The following L3MBTL3 variants were observed in gnomAD, a reference collection of about 807,000 sequenced individuals.
L3MBTL3 encodes the protein L3MBTL histone methyl-lysine binding protein 3.
In L3MBTL3, 27 loss-of-function variants were observed where a neutral mutation model predicts 102.3. The observed-to-expected ratio is 0.26, with a 90% CI of 0.19 to 0.36. L3MBTL3 has a LOEUF of 0.36. L3MBTL3 is among the 10% of genes least tolerant of loss of function. The pLI is 1.00. For synonymous variants in L3MBTL3, 340 were observed against 320.9 expected (o/e 1.06, Z -0.64); for missense variants, 798 against 955.3 (o/e 0.84, Z 2.17).
chr6:130,064,107 C>T (rs1782090403), intron 10 of L3MBTL3, among the ~76,000 whole-genome samples: 1 of 152,156 alleles, frequency 6.6e-6, no homozygotes, highest in Non-Finnish European at 1.5e-5. Flanking sequence ...TCACCATTTA[C>T]TAGACTTGGT....
intron 19 of L3MBTL3, among the ~76,000 whole-genome samples, chr6:130,112,025 A>G (rs528488842): frequency 2.6e-5 from 4 of 152,204 alleles, no homozygotes; most frequent in African/African-American, 9.6e-5. Flanking sequence ...CCCTCTGTCT[A>G]GATCCTCTCT....
At chr6:130,030,116 C>T (rs1488071503) in intron 2 of L3MBTL3, among the ~76,000 whole-genome samples, 1 of 152,124 alleles carries the variant, frequency 6.6e-6, no homozygotes, top group African/African-American at 2.4e-5. Context: ...GCCTCGGTCT[C>T]CCAAAGTGCT....
At chr6:130,092,909 A>G in intron 17 of L3MBTL3, 50 bp downstream of exon 17, 1 of 1,129,758 alleles carries the variant, frequency 8.9e-7, no homozygotes, top group East Asian at 2.4e-5. Flanking sequence ...CATATGTAGC[A>G]TTCTTAAGAT....
chr6:130,132,899 T>C (rs1787216375), intron 20 of L3MBTL3, among the ~76,000 whole-genome samples: 1 of 152,216 alleles, frequency 6.6e-6, no homozygotes, highest in African/African-American at 2.4e-5. Context: ...CTGTTTTATT[T>C]TTATTGCAAT....
intron 3 of L3MBTL3, among the ~76,000 whole-genome samples, chr6:130,046,369 A>G (rs1157418954): frequency 3.9e-5 from 6 of 152,336 alleles, no homozygotes; most frequent in African/African-American, 1.4e-4. Flanking sequence ...CTTAAAACAC[A>G]CTGGTAAGTC....
intron 2 of L3MBTL3, among the ~76,000 whole-genome samples, chr6:130,034,012 G>A (rs577784338): frequency 1.6e-4 from 24 of 152,118 alleles, no homozygotes; most frequent in South Asian, 6.2e-4. Flanking sequence ...TGTGCTGTGC[G>A]CCTCCTAGGT....
chr6:130,020,706 C>G (rs1052069099), intron 1 of L3MBTL3: 1 of 151,788 alleles, frequency 6.6e-6, no homozygotes, highest in African/African-American at 2.4e-5. Context: ...AGTCCCCCTG[C>G]TGCCACCACC....
chr6:130,118,331 A>T (rs956830253), intron 19 of L3MBTL3, among the ~76,000 whole-genome samples: 2 of 152,178 alleles, frequency 1.3e-5, no homozygotes, highest in African/African-American at 4.8e-5. Context: ...TGGGGCATGT[A>T]AAAAGCTCAG....
At chr6:130,063,562 T>G (rs1488971571) in intron 10 of L3MBTL3, among the ~76,000 whole-genome samples, 2 of 152,204 alleles carry the variant, frequency 1.3e-5, no homozygotes, top group African/African-American at 4.8e-5. Flanking sequence ...GGTCACATTT[T>G]TGTCTACTGA....
At chr6:130,106,292 C>T (rs557566279) in intron 19 of L3MBTL3, among the ~76,000 whole-genome samples, 4 of 152,142 alleles carry the variant, frequency 2.6e-5, no homozygotes, top group Non-Finnish European at 5.9e-5. Flanking sequence ...CCTGCCATTA[C>T]TTTTCCTTGT....
rs924147216 is a variant in L3MBTL3, at chr6:130,110,181, A to G, written c.1886+5606A>G. Among the ~76,000 whole-genome samples the G allele has an allele frequency of 1.3e-5, 2 of 151,712 alleles. 1 individual carries two copies. The highest frequency in any genetic ancestry group is 2.9e-5 in the Non-Finnish European group (2 of 67,910). On this transcript the variant is annotated intron_variant, in intron 19 of 22. Transcript: ENST00000361794. The stretch of plus-strand genomic sequence containing the variant: ...GCTTAGGATTGTCTTGGCTATATGG[A>G]CTCTTCTTTGGTTCCATATGAAGTT...
At chr6:130,136,091 GCCA>G (rs113993432) in intron 22 of L3MBTL3, among the ~76,000 whole-genome samples, 12,626 of 152,078 alleles carry the variant, frequency 0.083, 826 homozygotes, top group African/African-American at 0.17. Context: ...TCACCCTACT[GCCA>G]CCACCACCCT....
chr6:130,094,303 T>C lies in L3MBTL3; in HGVS notation c.1672T>C (p.Cys558Arg). 1 of 1,613,932 alleles carries C rather than the reference T, an allele frequency of 6.2e-7. No homozygotes were observed. The highest frequency in any genetic ancestry group is 8.5e-7 in the Non-Finnish European group (1 of 1,179,864). ...ELMEASEHGGCSTPGCKGIGH... is the reference protein window; with the variant it reads ...ELMEASEHGGRSTPGCKGIGH... ...AATGGAAGCTTCAGAACATGGTGGA[T>C]GCTCAACCCCGGGATGTAAAGGGAT... The change falls in exon 18 of 23, where the codon TGC becomes CGC. Residue 558 changes from cysteine (C) to arginine (R), a missense_variant. Around this residue, in one of 4 missense-constraint regions of L3MBTL3, gnomAD observed 306 missense variants for 314.4 expected, o/e 0.97. Coordinates refer to ENST00000361794, the MANE Select transcript of L3MBTL3 (RefSeq NM_032438.4).
At chr6:130,063,481 G>A (rs967249461) in intron 10 of L3MBTL3, among the ~76,000 whole-genome samples, 1 of 152,204 alleles carries the variant, frequency 6.6e-6, no homozygotes. Context: ...CAGTAGTTAC[G>A]CTCCACAAAT....
intron 22 of L3MBTL3, among the ~76,000 whole-genome samples, chr6:130,139,374 T>C (rs571144768): frequency 1.4e-4 from 22 of 152,314 alleles, no homozygotes; most frequent in Non-Finnish European, 2.6e-4. Context: ...GCACCTTCTG[T>C]TTTCCTTTGG....
intron 19 of L3MBTL3, among the ~76,000 whole-genome samples, chr6:130,106,448 A>G (rs987023973): frequency 1.3e-5 from 2 of 152,212 alleles, no homozygotes; most frequent in African/African-American, 4.8e-5. Flanking sequence ...CAAAAATAAA[A>G]TGAAATGTAT....
chr6:130,051,763 A>G (rs1208998353), intron 6 of L3MBTL3, among the ~76,000 whole-genome samples: 2 of 152,194 alleles, frequency 1.3e-5, no homozygotes, highest in Non-Finnish European at 2.9e-5. Context: ...TTTTGTTTAT[A>G]TTTTGGGAAT....
In L3MBTL3 at chr6:130,139,774, C is replaced by T. The variant is rs750500387; in HGVS notation, c.*21C>T. ...TTTGAAGATGGTGAATTCTGAATAC[C>T]ATCAGCATTCTGCTTTAAAGCTCAT... is the stretch of plus-strand genomic sequence containing the variant. On this transcript the variant is annotated 3_prime_UTR_variant, in exon 23 of 23. Transcript: ENST00000361794. 2.5e-5 allele frequency: 40 copies of T among 1,607,418 alleles called. No individual in the cohort carries two copies. The South Asian group carries it at 2.8e-4, about 11-fold the overall frequency.
At chr6:130,099,883 A>G (rs977126081) in intron 18 of L3MBTL3, among the ~76,000 whole-genome samples, 2 of 152,236 alleles carry the variant, frequency 1.3e-5, no homozygotes, top group African/African-American at 4.8e-5. Context: ...ATTTTGGAAC[A>G]GTGCCTGACA....
Sources: allele counts gnomAD v4.1 joint callset (sites outside exome capture counted in the v4.1 genomes callset), GRCh38; gene constraint gnomAD v4.1.1; regional missense constraint gnomAD v4.1.1; transcripts MANE v1.5; gene names NCBI Gene and HGNC (gene_info 2026-07-23, HGNC 2026-07-21).